Variants in AUTS2 observed in about 807,000 individuals in gnomAD.
AUTS2 encodes the protein activator of transcription and developmental regulator AUTS2.
AUTS2 carries 17 observed loss-of-function variants against 112.4 expected under a neutral mutation model. That is an observed-to-expected ratio of 0.15 (90% CI 0.10 to 0.23). The LOEUF (loss-of-function observed/expected upper bound fraction) is 0.23, where lower values mean the gene tolerates loss of function less well. AUTS2 is among the 10% of genes least tolerant of loss of function. The pLI, the probability that AUTS2 is intolerant of heterozygous loss-of-function variation, is 1.00. For synonymous variants in AUTS2, 751 were observed against 702.7 expected (o/e 1.07, Z -1.09); for missense variants, 1,510 against 1,701.6 (o/e 0.89, Z 1.98).
intron 4 of AUTS2, among the ~76,000 whole-genome samples, chr7:70,301,522 A>G (rs1433309067): frequency 6.6e-6 from 1 of 152,174 alleles, no homozygotes; most frequent in Non-Finnish European, 1.5e-5. Flanking sequence ...CCCATAAAGT[A>G]GGGCTTTGAA....
intron 5 of AUTS2, among the ~76,000 whole-genome samples, chr7:70,682,669 A>AT (rs1188118351): frequency 6.6e-6 from 1 of 152,220 alleles, no homozygotes; most frequent in Non-Finnish European, 1.5e-5. Context: ...TCACTTACCT[A>AT]TTATTGCTTT....
intron 4 of AUTS2, among the ~76,000 whole-genome samples, chr7:70,273,804 T>A (rs894213617): frequency 2.0e-5 from 3 of 152,158 alleles, no homozygotes; most frequent in Non-Finnish European, 4.4e-5. Flanking sequence ...AATCTGCATT[T>A]GGTTGAAAAA....
chr7:69,644,967 G>A (rs1794958027), intron 1 of AUTS2, among the ~76,000 whole-genome samples: 1 of 151,952 alleles, frequency 6.6e-6, no homozygotes, highest in Admixed American at 6.6e-5. Context: ...GGAGTGCAGT[G>A]GTGCTATTAT....
At chr7:70,603,333 C>A (rs531201812) in intron 5 of AUTS2, among the ~76,000 whole-genome samples, 5 of 152,330 alleles carry the variant, frequency 3.3e-5, no homozygotes, top group African/African-American at 1.2e-4. Flanking sequence ...CTCCCAGTGT[C>A]AGTGTGCCAG....
At chr7:70,533,637 A>T (rs1800188742) in intron 5 of AUTS2, among the ~76,000 whole-genome samples, 1 of 152,208 alleles carries the variant, frequency 6.6e-6, no homozygotes, top group Non-Finnish European at 1.5e-5. Context: ...GTTATGGGTA[A>T]AGCCCTCTTG....
intron 4 of AUTS2, among the ~76,000 whole-genome samples, chr7:70,191,088 T>C (rs1809854820): frequency 6.6e-6 from 1 of 152,006 alleles, no homozygotes; most frequent in Non-Finnish European, 1.5e-5. Flanking sequence ...CTAAATTCAA[T>C]TTCAGATATT....
intron 2 of AUTS2, among the ~76,000 whole-genome samples, chr7:69,966,140 A>G (rs1263158006): frequency 6.6e-6 from 1 of 152,168 alleles, no homozygotes; most frequent in East Asian, 1.9e-4. Flanking sequence ...ATGATGTTTT[A>G]GGTCTCAGCA....
At position 70,396,993 on chromosome 7, in the gene AUTS2, G is replaced by A. The variant is rs180884875; in HGVS notation, c.661-38759G>A. 1.4e-4 allele frequency among the ~76,000 whole-genome samples: 22 copies of A among 151,942 alleles called. 1 individual carries two copies. Among genetic ancestry groups the A allele is most frequent in the Non-Finnish European group, 2.2e-4 (15 of 67,962 alleles). On this transcript the variant is annotated intron_variant, in intron 4 of 18. Transcript: ENST00000342771. ...GTACCGTCTTACATTTCCACCAACC[G>A]TGTATAAGAGTTCCACCTCCTCACA...
intron 5 of AUTS2, among the ~76,000 whole-genome samples, chr7:70,634,302 T>C (rs1239375761): frequency 1.3e-5 from 2 of 152,220 alleles, no homozygotes; most frequent in Admixed American, 6.5e-5. Flanking sequence ...GGCTGTGCGC[T>C]GCAGAGCACT....
At chr7:70,418,690 C>T (rs1353868487) in intron 4 of AUTS2, among the ~76,000 whole-genome samples, 3 of 151,854 alleles carry the variant, frequency 2.0e-5, no homozygotes, top group East Asian at 3.9e-4. Context: ...ACACGGGTGA[C>T]GTTTACATGC....
chr7:69,793,533 A>G (rs1789711196), intron 1 of AUTS2, among the ~76,000 whole-genome samples: 1 of 152,196 alleles, frequency 6.6e-6, no homozygotes, highest in Admixed American at 6.5e-5. Flanking sequence ...AAAGTGCTAT[A>G]GGAATGTCTG....
At chr7:70,788,780 C>T (rs1386382378) in intron 18 of AUTS2, among the ~76,000 whole-genome samples, 1 of 152,254 alleles carries the variant, frequency 6.6e-6, no homozygotes, top group African/African-American at 2.4e-5. Context: ...GTCCTCTGAT[C>T]CTTGCACACC....
intron 5 of AUTS2, among the ~76,000 whole-genome samples, chr7:70,555,349 G>C (rs1801201763): frequency 6.6e-6 from 1 of 152,224 alleles, no homozygotes; most frequent in Non-Finnish European, 1.5e-5. Context: ...TTGGGAAATA[G>C]TGAGTTAAAG....
At chr7:69,892,623 A>C (rs1794577300) in intron 1 of AUTS2, among the ~76,000 whole-genome samples, 1 of 152,170 alleles carries the variant, frequency 6.6e-6, no homozygotes, top group Non-Finnish European at 1.5e-5. Flanking sequence ...TAATTCTTGA[A>C]GTGTAATTTA....
chr7:69,718,722 A>G (rs568330585), intron 1 of AUTS2, among the ~76,000 whole-genome samples: 101 of 152,316 alleles, frequency 6.6e-4, no homozygotes, highest in Non-Finnish European at 1.2e-3. Flanking sequence ...CAGGAATTAA[A>G]TGGACATGGA....
At position 70,686,680 on chromosome 7, in the gene AUTS2, C is replaced by T. The variant is rs376949042; in HGVS notation, c.691-11889C>T. 3.1e-4 allele frequency among the ~76,000 whole-genome samples: 47 copies of T among 151,928 alleles called. 1 individual carries two copies. The East Asian group carries it at 5.2e-3, about 17-fold the overall frequency. On this transcript the variant is annotated intron_variant, in intron 5 of 18. Transcript: ENST00000342771. Reference sequence around the variant, plus strand: ...CCCGAGAAGCTGGGATTATAGGCACCTGCCACTATGCCCGGTTAATTTTTG... The same window carrying T: ...CCCGAGAAGCTGGGATTATAGGCACTTGCCACTATGCCCGGTTAATTTTTG...
At chr7:69,899,568 G>T in intron 2 of AUTS2, 70 bp downstream of exon 2, 1 of 1,463,512 alleles carries the variant, frequency 6.8e-7, no homozygotes, top group Non-Finnish European at 9.5e-7. Context: ...CTCCACTGTG[G>T]TTTTTCGTAA....
chr7:69,726,754 A>G (rs1786535635), intron 1 of AUTS2, among the ~76,000 whole-genome samples: 1 of 152,154 alleles, frequency 6.6e-6, no homozygotes, highest in African/African-American at 2.4e-5. Context: ...TGGGCATAAT[A>G]TGGTATTTCA....
At chr7:70,041,926 T>C (rs1422080022) in intron 2 of AUTS2, among the ~76,000 whole-genome samples, 1 of 152,236 alleles carries the variant, frequency 6.6e-6, no homozygotes, top group Non-Finnish European at 1.5e-5. Context: ...CTGGAAAATT[T>C]TATTGGATTC....
Sources: gnomAD v4.1 joint callset for allele counts (sites outside exome capture counted in the v4.1 genomes callset) on GRCh38, gnomAD v4.1.1 for gene constraint, MANE v1.5 for transcripts, NCBI Gene and HGNC (gene_info 2026-07-23, HGNC 2026-07-21) for gene names.